Variants in NPY2R observed in about 807,000 individuals in gnomAD.
NPY2R encodes the protein neuropeptide Y receptor Y2, also known as neuropeptide Y receptor type 2.
In NPY2R, 17 loss-of-function variants were observed where a neutral mutation model predicts 22.3. The observed-to-expected ratio is 0.76, with a 90% CI of 0.52 to 1.14. The LOEUF is 1.14. NPY2R is among the 50% of genes most tolerant of loss of function. The pLI, the probability that NPY2R is intolerant of heterozygous loss-of-function variation, is 0.00. For missense variants in NPY2R, 424 were observed against 467.9 expected (o/e 0.91, Z 0.87); for synonymous variants, 209 against 183.4 (o/e 1.14, Z -1.13).
chr4:155,191,038 A>G, the NPY2R span, among the ~76,000 whole-genome samples: 2 of 151,888 alleles, frequency 1.3e-5, no homozygotes, highest in African/African-American at 4.8e-5. Flanking sequence ...GAGAGTTTTG[A>G]AGTTATCTAT....
At chr4:155,176,202 A>T in the NPY2R span, among the ~76,000 whole-genome samples, 1 of 152,042 alleles carries the variant, frequency 6.6e-6, no homozygotes, top group Non-Finnish European at 1.5e-5. Context: ...GTGAGATGGG[A>T]TTTGAGACTG....
intron 1 of NPY2R, among the ~76,000 whole-genome samples, chr4:155,212,894 G>A (rs1326087385): frequency 6.6e-6 from 1 of 152,150 alleles, no homozygotes; most frequent in East Asian, 1.9e-4. Flanking sequence ...TTTCCTTAGA[G>A]CATTGAGTGG....
At chr4:155,210,332 A>G (rs1278340743) in intron 1 of NPY2R, among the ~76,000 whole-genome samples, 1 of 152,208 alleles carries the variant, frequency 6.6e-6, no homozygotes, top group East Asian at 1.9e-4. Context: ...CCTACAGAGA[A>G]GTTGTAAATA....
chr4:155,200,654 C>T, the NPY2R span, among the ~76,000 whole-genome samples: 2 of 151,242 alleles, frequency 1.3e-5, no homozygotes, highest in South Asian at 2.1e-4. Context: ...ACATATACAT[C>T]ATGGAATACT....
chr4:155,210,759 C>T (rs1282783937), intron 1 of NPY2R, among the ~76,000 whole-genome samples: 1 of 152,064 alleles, frequency 6.6e-6, no homozygotes, highest in Admixed American at 6.5e-5. Flanking sequence ...CATGGAAACT[C>T]TCATGTCTCT....
At position 155,214,583 on chromosome 4, in the gene NPY2R, A is replaced by G. The variant is rs752116516; in HGVS notation, c.644A>G (p.Tyr215Cys). ...EKWPGEEKSI[Y>C]GTVYSLSSLL... ...TGGCCTGGCGAGGAGAAGAGCATCT[A>G]TGGCACTGTCTATAGTCTTTCTTCC... Residue 215 changes from tyrosine to cysteine, a missense_variant, in exon 2 of 2, where the codon TAT becomes TGT. Coordinates refer to ENST00000329476, the MANE Select transcript of NPY2R (RefSeq NM_000910.4). 6 of 1,614,050 alleles carry G rather than the reference A, an allele frequency of 3.7e-6. No individual in the cohort carries two copies. The South Asian group carries it at 4.4e-5, about 12-fold the overall frequency.
At chr4:155,209,628 A>G (rs1311042065) in intron 1 of NPY2R, among the ~76,000 whole-genome samples, 1 of 152,216 alleles carries the variant, frequency 6.6e-6, no homozygotes, top group African/African-American at 2.4e-5. Flanking sequence ...TCAACTTTCT[A>G]CTGATTAGCC....
chr4:155,183,701 C>T, the NPY2R span, among the ~76,000 whole-genome samples: 2 of 152,262 alleles, frequency 1.3e-5, no homozygotes, highest in South Asian at 2.1e-4. Context: ...ACCATTGGAA[C>T]CACTGGAATG....
chr4:155,205,174 G>T (rs572153357), upstream of NPY2R, among the ~76,000 whole-genome samples: 8 of 152,240 alleles, frequency 5.3e-5, no homozygotes, highest in South Asian at 1.0e-3. Flanking sequence ...CTAGCCACAC[G>T]TCAAGTGCTC....
chr4:155,203,001 T>A, the NPY2R span, among the ~76,000 whole-genome samples: 6 of 152,180 alleles, frequency 3.9e-5, no homozygotes, highest in African/African-American at 1.4e-4. Flanking sequence ...AAATTCAAAC[T>A]GTGAATCATT....
the NPY2R span, among the ~76,000 whole-genome samples, chr4:155,179,987 A>G: frequency 6.9e-6 from 1 of 145,200 alleles, no homozygotes; most frequent in African/African-American, 2.6e-5. Context: ...TAGTATGTAA[A>G]CATAGTTTTT....
upstream of NPY2R, chr4:155,206,944 T>C (rs1209636045): frequency 6.6e-6 from 1 of 152,194 alleles, no homozygotes. Flanking sequence ...TAACACATAT[T>C]TGGGCAAAGA....
chr4:155,195,493 T>G, the NPY2R span, among the ~76,000 whole-genome samples: 2 of 151,936 alleles, frequency 1.3e-5, no homozygotes, highest in African/African-American at 4.8e-5. Context: ...GCACCACAGT[T>G]AAGAAATATA....
chr4:155,207,725 G>A (rs541858791), upstream of NPY2R: 125 of 152,428 alleles, frequency 8.2e-4, no homozygotes, highest in African/African-American at 2.8e-3. Context: ...ACCACAAGGA[G>A]ACAGGAGCGA....
At chr4:155,192,088 T>A in the NPY2R span, among the ~76,000 whole-genome samples, 1 of 151,950 alleles carries the variant, frequency 6.6e-6, no homozygotes, top group Non-Finnish European at 1.5e-5. Flanking sequence ...TTCTGTAAGG[T>A]AGGGGTATCA....
At chr4:155,188,836 T>A in the NPY2R span, among the ~76,000 whole-genome samples, 1 of 152,260 alleles carries the variant, frequency 6.6e-6, no homozygotes, top group South Asian at 2.1e-4. Flanking sequence ...TGTAGCCTTG[T>A]GAGATATCCT....
At chr4:155,208,031 G>C (rs529545265), upstream of NPY2R, 1 of 152,410 alleles carries the variant, frequency 6.6e-6, no homozygotes, top group Non-Finnish European at 1.5e-5. The surrounding 1 kb of genome is among the most constrained non-coding windows in gnomAD (Gnocchi z 5.6). Flanking sequence ...TTACCTTCTC[G>C]TTTGGAGCAC....
the NPY2R span, among the ~76,000 whole-genome samples, chr4:155,174,481 TATA>T: frequency 2.5e-3 from 226 of 90,954 alleles, 1 homozygote; most frequent in African/African-American, 0.012. Context: ...TATATATATA[TATA>T]TTTTTTTTTT....
At chr4:155,185,135 G>A in the NPY2R span, among the ~76,000 whole-genome samples, 1 of 151,236 alleles carries the variant, frequency 6.6e-6, no homozygotes, top group Non-Finnish European at 1.5e-5. Flanking sequence ...CACCTCCCAG[G>A]TTCAAGCGAT....
Sources: allele counts gnomAD v4.1 joint callset (sites outside exome capture counted in the v4.1 genomes callset), GRCh38; gene constraint gnomAD v4.1.1; non-coding constraint Gnocchi (gnomAD v3.1); transcripts MANE v1.5; gene names NCBI Gene and HGNC (gene_info 2026-07-23, HGNC 2026-07-21).